Variants in NRIP1 observed in about 807,000 individuals in gnomAD.
NRIP1 encodes the protein nuclear receptor interacting protein 1, also known as nuclear receptor-interacting protein 1.
In NRIP1, 28 loss-of-function variants were observed where a neutral mutation model predicts 75.0. The ratio of observed to expected loss-of-function variants is 0.37; its 90% confidence interval spans 0.28 to 0.51. The LOEUF (loss-of-function observed/expected upper bound fraction) is 0.51, where lower values mean the gene tolerates loss of function less well. NRIP1 is among the 20% of genes least tolerant of loss of function. The pLI, the probability that NRIP1 is intolerant of heterozygous loss-of-function variation, is 0.92. For synonymous variants in NRIP1, 526 were observed against 487.6 expected (o/e 1.08, Z -1.04); for missense variants, 1,435 against 1,343.7 (o/e 1.07, Z -1.06).
At position 14,961,440 on chromosome 21, in the gene NRIP1, T is replaced by C. The variant is rs537833263; in HGVS notation, c.*3276A>G. The C allele has an allele frequency of 6.6e-6, 1 of 152,434 alleles. No homozygotes were observed. Among genetic ancestry groups the C allele is most frequent in the South Asian group, 2.1e-4 (1 of 4,832 alleles). The allele number at this position is 152,434 out of a possible 1,614,324, so 9.4% of individuals were successfully genotyped here. A position where few individuals can be genotyped will look rare whatever the true frequency, so the allele number is the denominator to read the frequency against. On this transcript the variant is annotated 3_prime_UTR_variant, in exon 4 of 4. Transcript: ENST00000318948. ...TGTGTAAACACCAGAATTCTTACTATGAATGGTAATGTGCCTATATTCCAG... is the reference window on the plus strand; with the variant it reads ...TGTGTAAACACCAGAATTCTTACTACGAATGGTAATGTGCCTATATTCCAG...
At chr21:14,968,798 C>G (rs2086830439) in intron 3 of NRIP1, among the ~76,000 whole-genome samples, 1 of 152,186 alleles carries the variant, frequency 6.6e-6, no homozygotes, top group South Asian at 2.1e-4. Context: ...ACATAGCCAT[C>G]TTCCAAAGCC....
At chr21:15,028,866 T>C (rs2088581319) in intron 2 of NRIP1, among the ~76,000 whole-genome samples, 3 of 152,180 alleles carry the variant, frequency 2.0e-5, no homozygotes. Flanking sequence ...TATAAACAAG[T>C]GTTTATCTGA....
At chr21:15,022,776 T>TA (rs1486537174) in intron 2 of NRIP1, among the ~76,000 whole-genome samples, 4 of 152,180 alleles carry the variant, frequency 2.6e-5, no homozygotes, top group Non-Finnish European at 4.4e-5. Context: ...AACATCAAGT[T>TA]ACGACGTGAC....
At chr21:15,033,777 AGGG>A (rs1376292469) in intron 2 of NRIP1, among the ~76,000 whole-genome samples, 1 of 152,216 alleles carries the variant, frequency 6.6e-6, no homozygotes, top group East Asian at 1.9e-4. Context: ...TTCTCAGTTA[AGGG>A]GTAAATCTGG....
At position 14,982,698 on chromosome 21, in the gene NRIP1, GTTTTTTTTTGT is replaced by G. The variant is rs779948754; in HGVS notation, c.-334-14183_-334-14173del. Among the ~76,000 whole-genome samples, 57 of 76,320 alleles carry G rather than the reference GTTTTTTTTTGT, an allele frequency of 7.5e-4. 1 individual carries two copies. The highest frequency in any genetic ancestry group is 1.3e-3 in the Admixed American group (9 of 6,762). 50.1% of individuals were successfully genotyped at this position (76,320 alleles called of 152,430 possible). A position where few individuals can be genotyped will look rare whatever the true frequency, so the allele number is the denominator to read the frequency against. On this transcript the variant is annotated intron_variant, in intron 3 of 3. Transcript: ENST00000318948. Reference sequence around the variant, plus strand: ...CATTGTACTTTGCCATTATTGTGGGGTTTTTTTTTGTTTTTTTTTTGTTTTTTTTTTTTACA... The same window carrying G: ...CATTGTACTTTGCCATTATTGTGGGGTTTTTTTTTGTTTTTTTTTTTTACA...
At position 15,018,538 on chromosome 21, in the gene NRIP1, G is replaced by T. The variant is rs374999355; in HGVS notation, c.-457-4072C>A. Among the ~76,000 whole-genome samples the T allele has an allele frequency of 2.1e-3, 320 of 152,246 alleles. 19 individuals carry two copies. In the South Asian group the frequency reaches 0.064, roughly 30 times the overall value. On this transcript the variant is annotated intron_variant, in intron 2 of 3. Transcript: ENST00000318948. ...AAAGTGAAGAGAATTTCCAATAAAA[G>T]AAATAGTGTATGCAAAGGACGTGCC...
intron 3 of NRIP1, among the ~76,000 whole-genome samples, chr21:14,988,497 A>ATGTGTGTGTGTGTGTG (rs1370123141): frequency 3.5e-5 from 5 of 141,782 alleles, no homozygotes; most frequent in Non-Finnish European, 7.7e-5. Context: ...TAGTATATAT[A>ATGTGTGTGTGTGTGTG]TATGTGTGTG....
intron 3 of NRIP1, among the ~76,000 whole-genome samples, chr21:14,977,493 T>C (rs768578318): frequency 6.6e-6 from 1 of 152,072 alleles, no homozygotes; most frequent in Non-Finnish European, 1.5e-5. Flanking sequence ...TAATTTCACA[T>C]AAAAAGAAAG....
chr21:15,052,051 C>T (rs974738512), intron 1 of NRIP1: 4 of 152,130 alleles, frequency 2.6e-5, no homozygotes, highest in African/African-American at 9.7e-5. Context: ...TATTAAATGC[C>T]AAGCTCAAAA....
chr21:15,058,270 A>G (rs2089348286), intron 1 of NRIP1, among the ~76,000 whole-genome samples: 2 of 152,204 alleles, frequency 1.3e-5, no homozygotes, highest in Admixed American at 1.3e-4. Context: ...AGCCTACATA[A>G]CCCATTGTGC....
Position 14,968,387 on chromosome 21 carries a change from C to G in NRIP1, c.-195G>C. The G allele has an allele frequency of 1.8e-6, 1 of 564,500 alleles. No individual in the cohort carries two copies. 35.0% of individuals were successfully genotyped at this position (564,500 alleles called of 1,614,324 possible). On this transcript the variant is annotated 5_prime_UTR_variant, in exon 4 of 4. Coordinates refer to ENST00000318948, the MANE Select transcript of NRIP1 (RefSeq NM_003489.4). Reference sequence around the variant, plus strand: ...AGATAAATGCAGTCTGACCACAGTGCTGATCAACTTCTACGCAAGGAGGAG... The same window carrying G: ...AGATAAATGCAGTCTGACCACAGTGGTGATCAACTTCTACGCAAGGAGGAG...
intron 2 of NRIP1, among the ~76,000 whole-genome samples, chr21:15,021,555 A>T (rs1352979756): frequency 6.6e-6 from 1 of 152,220 alleles, no homozygotes; most frequent in Non-Finnish European, 1.5e-5. Context: ...ATTGCTGGAT[A>T]CATGTAAATT....
intron 3 of NRIP1, among the ~76,000 whole-genome samples, chr21:14,996,204 T>C (rs1246560320): frequency 6.6e-6 from 1 of 152,198 alleles, no homozygotes; most frequent in Non-Finnish European, 1.5e-5. Flanking sequence ...TTCACATTCT[T>C]TTTGTAGTAC....
At chr21:14,973,709 T>C (rs2736086) in intron 3 of NRIP1, among the ~76,000 whole-genome samples, 105,740 of 149,790 alleles carry the variant, frequency 0.71, 38,714 homozygotes, top group East Asian at 0.93. Context: ...CAAGTTCTCA[T>C]TCTGTTGCCC....
intron 3 of NRIP1, among the ~76,000 whole-genome samples, chr21:14,969,061 T>G (rs1370336339): frequency 6.6e-6 from 1 of 152,206 alleles, no homozygotes; most frequent in Non-Finnish European, 1.5e-5. Context: ...ATTCCATAAG[T>G]AATTTTTAGA....
At chr21:15,001,918 T>G (rs1400321512) in intron 3 of NRIP1, among the ~76,000 whole-genome samples, 2 of 152,166 alleles carry the variant, frequency 1.3e-5, no homozygotes, top group Non-Finnish European at 2.9e-5. Context: ...GGAAGCAGAT[T>G]TAGTGCCTCA....
At chr21:14,976,657 G>C (rs1392613133) in intron 3 of NRIP1, among the ~76,000 whole-genome samples, 2 of 152,074 alleles carry the variant, frequency 1.3e-5, no homozygotes, top group African/African-American at 4.8e-5. Flanking sequence ...AAACTTTGTG[G>C]AACTTCTACA....
intron 3 of NRIP1, among the ~76,000 whole-genome samples, chr21:14,982,897 GTTACTA>G (rs2087285318): frequency 6.6e-6 from 1 of 151,794 alleles, no homozygotes; most frequent in South Asian, 2.1e-4. Flanking sequence ...GATCTTTGGT[GTTACTA>G]TTATAATTGT....
chr21:14,989,872 C>T (rs1467675860), intron 3 of NRIP1, among the ~76,000 whole-genome samples: 1 of 151,798 alleles, frequency 6.6e-6, no homozygotes, highest in East Asian at 1.9e-4. Flanking sequence ...TTCATTTAGA[C>T]TAGGGCCACT....
Sources: allele counts gnomAD v4.1 joint callset (sites outside exome capture counted in the v4.1 genomes callset), GRCh38; gene constraint gnomAD v4.1.1; transcripts MANE v1.5; gene names NCBI Gene and HGNC (gene_info 2026-07-23, HGNC 2026-07-21).